Variants in CEP192 observed in about 807,000 individuals in gnomAD.
The protein encoded by CEP192 is centrosomal protein of 192 kDa.
A neutral mutation model predicts 271.8 loss-of-function variants in CEP192; 151 were observed. That is an observed-to-expected ratio of 0.56 (90% CI 0.49 to 0.64). CEP192 has a LOEUF of 0.64. Among genes scored for constraint, CEP192 ranks in the 30% least tolerant of loss-of-function variants. The pLI, the probability that CEP192 is intolerant of heterozygous loss-of-function variation, is 0.00. For missense variants in CEP192, 2,910 were observed against 3,020.5 expected, an observed-to-expected ratio of 0.96 and a Z score of 0.86; for synonymous variants, 995 against 1,076.5, an observed-to-expected ratio of 0.92 and a Z score of 1.48.
intron 42 of CEP192, 34 bp from the exon 43 acceptor site, chr18:13,116,343 A>G (rs370677114): frequency 6.3e-6 from 10 of 1,598,774 alleles, no homozygotes; most frequent in Non-Finnish European, 8.5e-6. Context: ...TGTGGATTTC[A>G]GATTCTTAAC....
intron 1 of CEP192, among the ~76,000 whole-genome samples, chr18:12,998,391 G>A (rs1431561063): frequency 6.6e-6 from 1 of 152,236 alleles, no homozygotes; most frequent in Non-Finnish European, 1.5e-5. Flanking sequence ...CTAGCACTTA[G>A]AGTGGATTTT....
intron 44 of CEP192, among the ~76,000 whole-genome samples, chr18:13,121,115 CA>C (rs1190200665): frequency 6.6e-6 from 1 of 152,184 alleles, no homozygotes; most frequent in Non-Finnish European, 1.5e-5. Context: ...TGACTTTAGA[CA>C]AAGGTTCACA....
chr18:13,098,247 G>C lies in CEP192; in HGVS notation c.6558-1229G>C, dbSNP rs558352302. On this transcript the variant is annotated intron_variant, in intron 36 of 44. Transcript: ENST00000506447. ...CGGGCAGAGGCACCCCTCACCTCCC[G>C]GACGGGACGGCTGGCCAGGCGGGGG... 5.6e-5 allele frequency among the ~76,000 whole-genome samples: 8 copies of C among 144,064 alleles called. No individual in the cohort carries two copies. In the East Asian group the frequency reaches 8.8e-4, roughly 16 times the overall value. 94.5% of individuals were successfully genotyped at this position (144,064 alleles called of 152,430 possible). A position where few individuals can be genotyped will look rare whatever the true frequency, so the allele number is the denominator to read the frequency against.
intron 11 of CEP192, among the ~76,000 whole-genome samples, chr18:13,031,333 C>T (rs372068718): frequency 4.7e-5 from 7 of 150,320 alleles, no homozygotes; most frequent in South Asian, 2.1e-4. Context: ...CTGCAAGCTC[C>T]GCCTCCCGGG....
intron 15 of CEP192, among the ~76,000 whole-genome samples, chr18:13,047,021 T>G (rs1007890445): frequency 6.6e-6 from 1 of 152,232 alleles, no homozygotes; most frequent in Non-Finnish European, 1.5e-5. Context: ...CAGTCTTTTG[T>G]TATTTTTCTC....
intron 8 of CEP192, among the ~76,000 whole-genome samples, 190 bp downstream of exon 8, chr18:13,018,805 C>T (rs1306696829): frequency 6.6e-6 from 1 of 152,030 alleles, no homozygotes; most frequent in African/African-American, 2.4e-5. Flanking sequence ...ACTAGAAATA[C>T]CGTAGTATAT....
chr18:13,067,996 C>T lies in CEP192; in HGVS notation c.4614+40C>T, dbSNP rs978604275. The T allele has an allele frequency of 4.4e-6, 7 of 1,602,358 alleles. No homozygotes were observed. The East Asian group carries it at 1.1e-4, about 26-fold the overall frequency. On this transcript the variant is annotated intron_variant, in intron 22 of 44. Coordinates refer to ENST00000506447, the MANE Select transcript of CEP192 (RefSeq NM_032142.4). ...ACAGTAAGAAACCATTTACAGAATG[C>T]ACTGATCTTATGAAAGTACATTTTT...
At chr18:13,042,717 G>A (rs1049784773) in intron 15 of CEP192, among the ~76,000 whole-genome samples, 3 of 152,108 alleles carry the variant, frequency 2.0e-5, no homozygotes, top group Admixed American at 1.3e-4. Context: ...CATGTGGCAT[G>A]TATTCCTTTT....
intron 30 of CEP192, among the ~76,000 whole-genome samples, chr18:13,081,373 A>G (rs1253830938): frequency 6.6e-6 from 1 of 152,190 alleles, no homozygotes; most frequent in East Asian, 1.9e-4. Context: ...GGGAGGATGT[A>G]TGTGTCCAGG....
intron 30 of CEP192, among the ~76,000 whole-genome samples, chr18:13,074,934 C>A (rs1192995344): frequency 6.6e-6 from 1 of 152,150 alleles, no homozygotes; most frequent in African/African-American, 2.4e-5. Context: ...GTTTTGAATA[C>A]CATAAAGCAT....
At chr18:13,106,836 C>T (rs1448173417) in intron 40 of CEP192, among the ~76,000 whole-genome samples, 1 of 152,232 alleles carries the variant, frequency 6.6e-6, no homozygotes, top group Non-Finnish European at 1.5e-5. Context: ...TTTTAGGGAT[C>T]ATATTGTATG....
intron 20 of CEP192, 93 bp downstream of exon 20, chr18:13,057,826 C>A: frequency 8.3e-7 from 1 of 1,211,322 alleles, no homozygotes; most frequent in Non-Finnish European, 1.2e-6. Flanking sequence ...TCTCCCTTCA[C>A]GCCTTTATTA....
At chr18:12,996,835 C>A (rs2033278009) in intron 1 of CEP192, among the ~76,000 whole-genome samples, 1 of 152,122 alleles carries the variant, frequency 6.6e-6, no homozygotes, top group South Asian at 2.1e-4. Context: ...ACAGGGAGAT[C>A]AGGGCTGATG....
chr18:13,085,948 G>T lies in CEP192; in HGVS notation c.5617-1069G>T, dbSNP rs1003935574. The stretch of plus-strand genomic sequence containing the variant: ...AATTCTGTGAAGAAAGTCAATGGTA[G>T]CTTGATGGGAACAGCATTGAATCTA... On this transcript the variant is annotated intron_variant, in intron 30 of 44. Coordinates refer to ENST00000506447, the MANE Select transcript of CEP192 (RefSeq NM_032142.4). Among the ~76,000 whole-genome samples the T allele has an allele frequency of 9.2e-5, 14 of 151,988 alleles. 1 individual carries two copies. The highest frequency in any genetic ancestry group is 9.2e-4 in the Admixed American group (14 of 15,250).
rs755714172 is a variant in CEP192 at position 13,114,184 on chromosome 18, A to G, written c.7222A>G (p.Ile2408Val). Residue 2408 changes from isoleucine to valine, a missense_variant, in exon 42 of 45, where the codon ATT becomes GTT. Ile to Val is a conservative substitution (Grantham distance 29, BLOSUM62 3). Transcript: ENST00000506447. ...CGCATGCCTTTCCACGGATTCCCTCATTAAAATAGATCATTTAGTTAAGCC... is the reference window on the plus strand; with the variant it reads ...CGCATGCCTTTCCACGGATTCCCTCGTTAAAATAGATCATTTAGTTAAGCC... ...ENACLSTDSL[I>V]KIDHLVKPRR... 3.1e-6 allele frequency: 5 copies of G among 1,614,134 alleles called. No individual in the cohort carries two copies. The Admixed American group carries it at 6.7e-5, about 22-fold the overall frequency.
chr18:13,011,806 G>A (rs1248541247), intron 4 of CEP192, among the ~76,000 whole-genome samples: 2 of 152,192 alleles, frequency 1.3e-5, no homozygotes, highest in Non-Finnish European at 2.9e-5. Flanking sequence ...GGGATTACAG[G>A]CATGAGCCAC....
At chr18:13,068,007 T>C in intron 22 of CEP192, 51 bp downstream of exon 22, 1 of 1,602,574 alleles carries the variant, frequency 6.2e-7, no homozygotes, top group Non-Finnish European at 8.5e-7. Context: ...ACTGATCTTA[T>C]GAAAGTACAT....
At chr18:13,093,487 A>G (rs1183145461) in intron 34 of CEP192, among the ~76,000 whole-genome samples, 1 of 152,224 alleles carries the variant, frequency 6.6e-6, no homozygotes, top group Non-Finnish European at 1.5e-5. Context: ...AGGTTCAATT[A>G]TTGTATCAGA....
chr18:13,102,142 C>T (rs2039737286), intron 38 of CEP192, among the ~76,000 whole-genome samples: 1 of 152,090 alleles, frequency 6.6e-6, no homozygotes, highest in Non-Finnish European at 1.5e-5. Context: ...CCACCCCCCA[C>T]AGCTGGGGGC....
Sources: allele counts gnomAD v4.1 joint callset (sites outside exome capture counted in the v4.1 genomes callset), GRCh38; gene constraint gnomAD v4.1.1; transcripts MANE v1.5; gene names NCBI Gene and HGNC (gene_info 2026-07-23, HGNC 2026-07-21).